Variants in SYN2 observed in about 807,000 individuals in gnomAD.
SYN2 encodes synapsin II.
In SYN2, 19 loss-of-function variants were observed where a neutral mutation model predicts 50.9. That is an observed-to-expected ratio of 0.37 (90% CI 0.26 to 0.55). The LOEUF is 0.55. Among genes scored for constraint, SYN2 ranks in the 20% least tolerant of loss-of-function variants. The pLI is 0.81. For synonymous variants in SYN2, 255 were observed against 224.9 expected, an observed-to-expected ratio of 1.13 and a Z score of -1.20; for missense variants, 587 against 576.4, an observed-to-expected ratio of 1.02 and a Z score of -0.19.
intron 1 of SYN2, among the ~76,000 whole-genome samples, chr3:12,039,820 A>G (rs1195343555): frequency 1.3e-5 from 2 of 152,168 alleles, no homozygotes; most frequent in African/African-American, 4.8e-5. Context: ...GGATGTTGCC[A>G]CCCTTTTTCT....
intron 5 of SYN2, chr3:12,159,111 G>A (rs974016459): frequency 5.9e-5 from 26 of 438,916 alleles, no homozygotes; most frequent in African/African-American, 2.5e-4. Flanking sequence ...GTCATGAAGC[G>A]ATCTGGAAGC....
chr3:12,072,509 A>C (rs1035754197), intron 1 of SYN2, among the ~76,000 whole-genome samples: 2 of 152,202 alleles, frequency 1.3e-5, no homozygotes, highest in Non-Finnish European at 2.9e-5. Flanking sequence ...ATGTAGTATG[A>C]AATAGTGGTC....
intron 1 of SYN2, among the ~76,000 whole-genome samples, chr3:12,119,805 C>G (rs111690490): frequency 6.6e-6 from 1 of 152,134 alleles, no homozygotes; most frequent in African/African-American, 2.4e-5. Flanking sequence ...TTCCTCCTCT[C>G]TCCTTCATAC....
intron 1 of SYN2, among the ~76,000 whole-genome samples, chr3:12,065,496 T>C (rs1174193344): frequency 3.3e-5 from 5 of 152,156 alleles, no homozygotes; most frequent in African/African-American, 1.2e-4. Flanking sequence ...GGTACATATA[T>C]ACTATGAAAT....
intron 1 of SYN2, among the ~76,000 whole-genome samples, chr3:12,025,014 C>A (rs758469768): frequency 3.3e-5 from 5 of 152,168 alleles, no homozygotes; most frequent in Admixed American, 6.5e-5. Flanking sequence ...GTTCTGGAGG[C>A]TGAATGTCTG....
At chr3:12,152,884 G>C (rs1357264992) in intron 5 of SYN2, among the ~76,000 whole-genome samples, 1 of 152,166 alleles carries the variant, frequency 6.6e-6, no homozygotes, top group Non-Finnish European at 1.5e-5. Flanking sequence ...TGCTAACCAG[G>C]TGGGACCCTC....
rs533147093 is a variant in SYN2, at chr3:12,040,881, A to G, written c.377+35953A>G. 3.9e-5 allele frequency among the ~76,000 whole-genome samples: 6 copies of G among 152,278 alleles called. No homozygotes were observed. The South Asian group carries it at 1.2e-3, about 32-fold the overall frequency. On this transcript the variant is annotated intron_variant, in intron 1 of 12. Transcript: ENST00000621198. The stretch of plus-strand genomic sequence containing the variant: ...ATAGTTTTCTTGCCCATTTGGAGTT[A>G]TTAGGGGAATATGTGCTTCTCTCTT...
intron 1 of SYN2, among the ~76,000 whole-genome samples, chr3:12,019,434 CA>C (rs1487603736): frequency 1.3e-5 from 2 of 152,182 alleles, no homozygotes; most frequent in Non-Finnish European, 2.9e-5. Context: ...ACTTCTCTGA[CA>C]CTAAGTCATG....
chr3:12,018,541 T>G (rs577963958), intron 1 of SYN2, among the ~76,000 whole-genome samples: 52 of 152,310 alleles, frequency 3.4e-4, no homozygotes, highest in African/African-American at 1.2e-3. Flanking sequence ...GGCATTTAGC[T>G]TAATGATTTC....
chr3:12,132,523 T>C (rs550052133), intron 1 of SYN2, among the ~76,000 whole-genome samples: 112 of 152,312 alleles, frequency 7.4e-4, no homozygotes, highest in African/African-American at 2.5e-3. Context: ...TCAGTGTTTG[T>C]TTTTTCTTTC....
At chr3:12,018,591 A>G (rs991955746) in intron 1 of SYN2, among the ~76,000 whole-genome samples, 4 of 152,204 alleles carry the variant, frequency 2.6e-5, no homozygotes, top group African/African-American at 7.2e-5. Flanking sequence ...AGAAACATCT[A>G]GATTCTGATA....
At chr3:12,096,534 T>C (rs1166496548) in intron 1 of SYN2, among the ~76,000 whole-genome samples, 3 of 152,108 alleles carry the variant, frequency 2.0e-5, no homozygotes, top group Non-Finnish European at 4.4e-5. Flanking sequence ...ATAAGACTTT[T>C]GCTACTAGAT....
At chr3:12,070,467 A>G in intron 1 of SYN2, 2 of 596,532 alleles carry the variant, frequency 3.4e-6, no homozygotes, top group Non-Finnish European at 6.5e-6. Flanking sequence ...CATCGTCATC[A>G]ACTGGGATGA....
chr3:12,021,254 A>G lies in SYN2; in HGVS notation c.377+16326A>G, dbSNP rs560804316. Among the ~76,000 whole-genome samples, 19 of 152,338 alleles carry G rather than the reference A, an allele frequency of 1.2e-4. No individual in the cohort carries two copies. The South Asian group carries it at 3.5e-3, about 28-fold the overall frequency. ...ACCAACTACTTGATCAAAGATTATT[A>G]TATCTGTAACTCTTGGTAATGTTAC... is the stretch of plus-strand genomic sequence containing the variant. On this transcript the variant is annotated intron_variant, in intron 1 of 12. Transcript: ENST00000621198.
intron 1 of SYN2, among the ~76,000 whole-genome samples, chr3:12,042,825 G>C (rs1694647746): frequency 1.3e-5 from 2 of 152,164 alleles, no homozygotes; most frequent in South Asian, 4.1e-4. Flanking sequence ...TGGAGGCAGA[G>C]ATTGCAGCTA....
rs1693758983 is a variant in SYN2 at position 12,004,864 on chromosome 3, C to CCGCGCCCGCTG, written c.314_315insGCGCCCGCTGC (p.Ala106ArgfsTer100). ...GGCTGGCCTGGTGGACGCGCCCGCT[C>CCGCGCCCGCTG]CCGCGCCCGCAGCCGCCAGGAAGGC... On this transcript the variant is annotated frameshift_variant, in exon 1 of 13. Coordinates refer to ENST00000621198, the MANE Select transcript of SYN2 (RefSeq NM_133625.6). LOFTEE classifies it high-confidence loss of function. 2.1e-5 allele frequency: 12 copies of CCGCGCCCGCTG among 564,532 alleles called. No individual in the cohort carries two copies. The African/African-American group carries it at 2.4e-4, about 11-fold the overall frequency. 35.0% of individuals were successfully genotyped at this position (564,532 alleles called of 1,614,324 possible).
rs1253859620 is a variant in SYN2, at chr3:12,092,063, A to G, written c.378-48588A>G. ...AGATCAATCCATTCTTCTTTTTGCAAAGAAAATTCATTTTTTTAAAAAAGT... is the reference window on the plus strand; with the variant it reads ...AGATCAATCCATTCTTCTTTTTGCAGAGAAAATTCATTTTTTTAAAAAAGT... On this transcript the variant is annotated intron_variant, in intron 1 of 12. Transcript: ENST00000621198. Among the ~76,000 whole-genome samples the G allele has an allele frequency of 3.3e-5, 5 of 152,114 alleles. No individual in the cohort carries two copies. The South Asian group carries it at 1.0e-3, about 31-fold the overall frequency.
At chr3:12,054,321 C>G (rs1487467327) in intron 1 of SYN2, among the ~76,000 whole-genome samples, 3 of 152,126 alleles carry the variant, frequency 2.0e-5, no homozygotes, top group African/African-American at 7.2e-5. Flanking sequence ...CAGATTTGTC[C>G]TTTGCAATTT....
intron 1 of SYN2, among the ~76,000 whole-genome samples, chr3:12,087,836 C>T (rs1440714456): frequency 1.3e-5 from 2 of 151,994 alleles, no homozygotes; most frequent in East Asian, 1.9e-4. Context: ...GGGGAAAGGA[C>T]AGTCTCTTCA....
Sources: allele counts gnomAD v4.1 joint callset (sites outside exome capture counted in the v4.1 genomes callset), GRCh38; gene constraint gnomAD v4.1.1; transcripts MANE v1.5; gene names NCBI Gene and HGNC (gene_info 2026-07-23, HGNC 2026-07-21).